The following PEAK1 variants were observed in gnomAD, a reference collection of about 807,000 sequenced individuals.
PEAK1 encodes the protein pseudopodium enriched atypical kinase 1.
In PEAK1, 54 loss-of-function variants were observed where a neutral mutation model predicts 124.7. The ratio of observed to expected loss-of-function variants is 0.43; its 90% confidence interval spans 0.35 to 0.54. The LOEUF is 0.54. Among genes scored for constraint, PEAK1 ranks in the 20% least tolerant of loss-of-function variants. PEAK1 has a pLI of 0.01. For missense variants in PEAK1, 2,046 were observed against 2,134.5 expected (o/e 0.96, Z 0.82); for synonymous variants, 719 against 760.0 (o/e 0.95, Z 0.89).
At chr15:77,412,558 A>T in intron 1 of PEAK1, among the ~76,000 whole-genome samples, 1 of 152,340 alleles carries the variant, frequency 6.6e-6, no homozygotes, top group South Asian at 2.1e-4. Context: ...CAGTATATTT[A>T]TATTTTTATA....
At chr15:77,363,715 A>G (rs1180620050) in intron 2 of PEAK1, among the ~76,000 whole-genome samples, 5 of 152,174 alleles carry the variant, frequency 3.3e-5, no homozygotes, top group Non-Finnish European at 5.9e-5. Context: ...TCAGTCATAA[A>G]AAGGAATCAA....
chr15:77,404,770 A>G, intron 1 of PEAK1: 1 of 966,726 alleles, frequency 1.0e-6, no homozygotes, highest in South Asian at 4.8e-5. Context: ...AGAAAAAAAG[A>G]GCAGGTTATC....
intron 6 of PEAK1, among the ~76,000 whole-genome samples, chr15:77,219,135 T>C (rs945679812): frequency 9.2e-5 from 14 of 152,254 alleles, no homozygotes; most frequent in African/African-American, 3.1e-4. Context: ...GTATACTGTA[T>C]ATAATGAATT....
At position 77,212,436 on chromosome 15, in the gene PEAK1, A is replaced by G. The variant is rs964715360; in HGVS notation, c.-114-30396T>C. 2.0e-5 allele frequency among the ~76,000 whole-genome samples: 3 copies of G among 152,322 alleles called. No individual in the cohort carries two copies. The East Asian group carries it at 5.8e-4, about 29-fold the overall frequency. On this transcript the variant is annotated intron_variant, in intron 6 of 9. Coordinates refer to ENST00000682557, the MANE Select transcript of PEAK1 (RefSeq NM_001385026.1). ...AGCCTTGCTTACTTGGGGAAGTGGA[A>G]TAGCCCTAACTTTCGGAAAAAAGGT...
intron 6 of PEAK1, among the ~76,000 whole-genome samples, chr15:77,252,029 C>T (rs1487270004): frequency 1.3e-5 from 2 of 152,254 alleles, no homozygotes; most frequent in South Asian, 2.1e-4. Context: ...CTGGCTTGCC[C>T]TTTAATTCTT....
intron 1 of PEAK1, among the ~76,000 whole-genome samples, chr15:77,391,794 G>A (rs2070481405): frequency 6.6e-6 from 1 of 152,072 alleles, no homozygotes; most frequent in South Asian, 2.1e-4. Context: ...ACTAATACAA[G>A]GAAATAAGAT....
At chr15:77,307,331 CT>C (rs957185927) in intron 2 of PEAK1, among the ~76,000 whole-genome samples, 1 of 152,084 alleles carries the variant, frequency 6.6e-6, no homozygotes, top group Non-Finnish European at 1.5e-5. Context: ...ACTGAAACTT[CT>C]AAACTTCTAA....
rs1469437192 is a variant in PEAK1 at position 77,110,135 on chromosome 15, C to G, written c.*4021G>C. 1 of 152,204 alleles carries G rather than the reference C, an allele frequency of 6.6e-6. No homozygotes were observed. Among genetic ancestry groups the G allele is most frequent in the Non-Finnish European group, 1.5e-5 (1 of 68,058 alleles). The allele number at this position is 152,204 out of a possible 1,614,324, so 9.4% of individuals were successfully genotyped here. On this transcript the variant is annotated 3_prime_UTR_variant, in exon 10 of 10. Transcript: ENST00000682557. ...TTTGAGACGAAGTTGCTCAATCTCC[C>G]AGGCTGGAGTGCGATGGCGTGATCT... is the stretch of plus-strand genomic sequence containing the variant.
At chr15:77,237,337 C>T (rs2060166198) in intron 6 of PEAK1, among the ~76,000 whole-genome samples, 2 of 151,918 alleles carry the variant, frequency 1.3e-5, no homozygotes, top group South Asian at 4.1e-4. Flanking sequence ...GACACCATCC[C>T]ACAGGTTTTC....
chr15:77,352,597 G>C, intron 2 of PEAK1: 1 of 949,364 alleles, frequency 1.1e-6, no homozygotes, highest in Non-Finnish European at 1.3e-6. Context: ...TACAAATTGA[G>C]AATTAGCAAC....
At chr15:77,274,473 A>G (rs2152958081) in intron 5 of PEAK1, among the ~76,000 whole-genome samples, 1 of 152,294 alleles carries the variant, frequency 6.6e-6, no homozygotes, top group South Asian at 2.1e-4. Flanking sequence ...AATTTTCAAA[A>G]GAAGATATAC....
In PEAK1 at chr15:77,348,317, C is replaced by T. The variant is rs1481532251; in HGVS notation, c.-603+16846G>A. The T allele has an allele frequency of 6.9e-6, 6 of 874,112 alleles. No individual in the cohort carries two copies. In the South Asian group the frequency reaches 1.6e-4, roughly 23 times the overall value. The allele number at this position is 874,112 out of a possible 1,614,324, so 54.1% of individuals were successfully genotyped here. A position where few individuals can be genotyped will look rare whatever the true frequency, so the allele number is the denominator to read the frequency against. ...AGTAAAATGAGTCTCATGCCACCTA[C>T]TCTTACAAGATTGATAGGAATATTA... On this transcript the variant is annotated intron_variant, in intron 2 of 9. Transcript: ENST00000682557.
intron 5 of PEAK1, among the ~76,000 whole-genome samples, chr15:77,259,551 C>A (rs1335306493): frequency 2.0e-5 from 3 of 152,114 alleles, no homozygotes; most frequent in African/African-American, 7.2e-5. Context: ...GAAACAATTT[C>A]TTGGGAGCTT....
At chr15:77,223,607 A>G (rs1236286887) in intron 6 of PEAK1, among the ~76,000 whole-genome samples, 1 of 152,092 alleles carries the variant, frequency 6.6e-6, no homozygotes, top group Admixed American at 6.6e-5. Flanking sequence ...TCTTGTAAAA[A>G]TAACTTACTT....
At chr15:77,337,055 A>T in intron 2 of PEAK1, 1 of 896,152 alleles carries the variant, frequency 1.1e-6, no homozygotes, top group Non-Finnish European at 1.3e-6. Flanking sequence ...TGGAGGAAAC[A>T]GAATGAGTAA....
chr15:77,404,649 G>A, intron 1 of PEAK1: 1 of 950,424 alleles, frequency 1.1e-6, no homozygotes, highest in Non-Finnish European at 1.3e-6. Flanking sequence ...AGAGATTTGA[G>A]ACATATTCTT....
intron 2 of PEAK1, among the ~76,000 whole-genome samples, chr15:77,303,836 T>C (rs571600126): frequency 6.6e-6 from 1 of 152,224 alleles, no homozygotes; most frequent in Non-Finnish European, 1.5e-5. Flanking sequence ...TATGTTTTCC[T>C]CAATAAGTTT....
intron 2 of PEAK1, among the ~76,000 whole-genome samples, chr15:77,298,143 TTTATTA>T (rs2063593600): frequency 1.2e-5 from 1 of 84,994 alleles, no homozygotes; most frequent in Non-Finnish European, 3.0e-5. Context: ...CCCTCTGATC[TTTATTA>T]TTAATGAAAA....
intron 5 of PEAK1, among the ~76,000 whole-genome samples, chr15:77,281,117 G>A (rs973686960): frequency 2.6e-5 from 4 of 151,930 alleles, no homozygotes; most frequent in Non-Finnish European, 4.4e-5. Context: ...GCAATGAGCC[G>A]AGATTCGCCA....
Sources: allele counts gnomAD v4.1 joint callset (sites outside exome capture counted in the v4.1 genomes callset), GRCh38; gene constraint gnomAD v4.1.1; transcripts MANE v1.5; gene names NCBI Gene and HGNC (gene_info 2026-07-23, HGNC 2026-07-21).